OSBPL1A: variants seen among roughly 807,000 people sequenced by gnomAD.
OSBPL1A encodes oxysterol-binding protein-related protein 1.
OSBPL1A carries 80 observed loss-of-function variants against 137.1 expected under a neutral mutation model. The observed-to-expected ratio is 0.58, with a 90% confidence interval of 0.49 to 0.70. OSBPL1A has a LOEUF of 0.70. Ranked by LOEUF, OSBPL1A falls within the 30% of genes least tolerant of loss-of-function variation. The pLI is 0.00. For missense variants in OSBPL1A, 970 were observed against 1,129.4 expected (o/e 0.86, Z 2.02); for synonymous variants, 365 against 389.7 (o/e 0.94, Z 0.75).
At chr18:24,239,932 T>TTC (rs1236356936) in intron 15 of OSBPL1A, among the ~76,000 whole-genome samples, 5 of 148,410 alleles carry the variant, frequency 3.4e-5, no homozygotes, top group Non-Finnish European at 7.5e-5. Context: ...TCTCTTTTTT[T>TTC]TTTTTTTTTT....
chr18:24,352,759 C>A (rs562294722), intron 4 of OSBPL1A, among the ~76,000 whole-genome samples: 1 of 152,168 alleles, frequency 6.6e-6, no homozygotes, highest in African/African-American at 2.4e-5. Flanking sequence ...AGAAATAATG[C>A]TGCATATCTA....
chr18:24,319,803 A>G (rs531979321), intron 7 of OSBPL1A, among the ~76,000 whole-genome samples: 1 of 152,106 alleles, frequency 6.6e-6, no homozygotes, highest in Non-Finnish European at 1.5e-5. Flanking sequence ...ACAACATATC[A>G]ATGAGAACTC....
At chr18:24,358,433 C>G in intron 4 of OSBPL1A, 2 of 701,894 alleles carry the variant, frequency 2.8e-6, no homozygotes, top group Middle Eastern at 2.3e-4. Context: ...TCCCCACCCT[C>G]GTGCACAGGT....
chr18:24,341,829 C>T (rs2091278984), intron 4 of OSBPL1A, among the ~76,000 whole-genome samples, 171 bp from the exon 5 acceptor site: 1 of 152,174 alleles, frequency 6.6e-6, no homozygotes. Context: ...TGTGATAATA[C>T]TTGACAACTG....
chr18:24,209,429 G>A (rs73967698), intron 17 of OSBPL1A, among the ~76,000 whole-genome samples: 3,910 of 152,220 alleles, frequency 0.026, 61 homozygotes, highest in African/African-American at 0.05. Context: ...AAATTCTTAC[G>A]TATTTCAGAC....
At chr18:24,163,774 C>G (rs1204657043) in intron 27 of OSBPL1A, among the ~76,000 whole-genome samples, 4 of 151,858 alleles carry the variant, frequency 2.6e-5, no homozygotes, top group African/African-American at 9.7e-5. Context: ...CTCTTGTTGC[C>G]CAGGCTGGAG....
At chr18:24,280,816 TA>T (rs749964994) in intron 15 of OSBPL1A, 25 bp downstream of exon 15, 4 of 1,476,024 alleles carry the variant, frequency 2.7e-6, no homozygotes, top group Non-Finnish European at 3.6e-6. Context: ...ACAATTATTT[TA>T]CAAATTCAAT....
At chr18:24,181,684 G>A (rs1221290179) in intron 18 of OSBPL1A, among the ~76,000 whole-genome samples, 2 of 152,198 alleles carry the variant, frequency 1.3e-5, no homozygotes, top group African/African-American at 2.4e-5. Context: ...GATGGCTCCA[G>A]TGCCTTGAGT....
intron 13 of OSBPL1A, among the ~76,000 whole-genome samples, chr18:24,310,730 GAT>G (rs141634616): frequency 0.29 from 44,077 of 151,720 alleles, 6,998 homozygotes; most frequent in Middle Eastern, 0.35. Context: ...TCCTAGGAAA[GAT>G]ATTAGTATGC....
At position 24,230,237 on chromosome 18, in the gene OSBPL1A, A is replaced by T. The variant is rs1042382713; in HGVS notation, c.1445-5039T>A. The stretch of plus-strand genomic sequence containing the variant: ...GCCACGACACTCAGGCTTTCAGGAC[A>T]AACAAGGAGAGGGAGGAGGGAGGAA... On this transcript the variant is annotated intron_variant, in intron 16 of 27. Coordinates refer to ENST00000319481, the MANE Select transcript of OSBPL1A (RefSeq NM_080597.4). Among the ~76,000 whole-genome samples the T allele has an allele frequency of 2.6e-5, 4 of 152,164 alleles. No homozygotes were observed. In the East Asian group the frequency reaches 5.8e-4, roughly 22 times the overall value.
chr18:24,195,429 A>G (rs1237212778), intron 18 of OSBPL1A, among the ~76,000 whole-genome samples: 1 of 152,248 alleles, frequency 6.6e-6, no homozygotes, highest in Non-Finnish European at 1.5e-5. Context: ...TTCCCAGCAC[A>G]GGGAAAGTTC....
chr18:24,176,663 A>G (rs1264908206), intron 21 of OSBPL1A, among the ~76,000 whole-genome samples: 1 of 152,220 alleles, frequency 6.6e-6, no homozygotes, highest in East Asian at 1.9e-4. Context: ...GTTTCAGGCC[A>G]GAAGTCCTGA....
chr18:24,180,461 T>G (rs1340013499), intron 19 of OSBPL1A, among the ~76,000 whole-genome samples: 1 of 150,140 alleles, frequency 6.7e-6, no homozygotes. Context: ...TTTTTCTATT[T>G]TGTGTGTGTG....
At position 24,280,973 on chromosome 18, in the gene OSBPL1A, T is replaced by C. The variant is rs199549918; in HGVS notation, c.1175-25A>G. On this transcript the variant is annotated intron_variant, in intron 14 of 27. Coordinates refer to ENST00000319481, the MANE Select transcript of OSBPL1A (RefSeq NM_080597.4). ...TCTATAAAGAAAAAAATAAATACAG[T>C]GAGTCGGATTTTAAGGAATCTTAAG... 141 of 1,489,114 alleles carry C rather than the reference T, an allele frequency of 9.5e-5. 1 individual carries two copies. The East Asian group carries it at 2.3e-3, about 24-fold the overall frequency. 92.2% of individuals were successfully genotyped at this position (1,489,114 alleles called of 1,614,324 possible). A position where few individuals can be genotyped will look rare whatever the true frequency, so the allele number is the denominator to read the frequency against.
chr18:24,170,560 T>C, intron 23 of OSBPL1A, 107 bp from the exon 24 acceptor site: 1 of 1,252,092 alleles, frequency 8.0e-7, no homozygotes, highest in Non-Finnish European at 1.1e-6. Flanking sequence ...TAACCAGGCC[T>C]GACCCTGCTT....
intron 15 of OSBPL1A, among the ~76,000 whole-genome samples, chr18:24,246,205 C>T (rs898717892): frequency 2.0e-5 from 3 of 151,814 alleles, no homozygotes; most frequent in Non-Finnish European, 2.9e-5. Context: ...AGAGCGAAAC[C>T]CCGTCTTGAA....
chr18:24,361,004 G>A (rs947999050), intron 4 of OSBPL1A, among the ~76,000 whole-genome samples: 1 of 152,150 alleles, frequency 6.6e-6, no homozygotes, highest in African/African-American at 2.4e-5. Context: ...TATCAGAAGT[G>A]TTTGCTCTTC....
intron 14 of OSBPL1A, among the ~76,000 whole-genome samples, chr18:24,293,584 G>A (rs763618692): frequency 6.6e-6 from 1 of 152,176 alleles, no homozygotes; most frequent in Non-Finnish European, 1.5e-5. Context: ...TTTGAAGAAA[G>A]ACCTAGGGAA....
intron 7 of OSBPL1A, among the ~76,000 whole-genome samples, chr18:24,328,190 G>A (rs1014520362): frequency 7.1e-6 from 1 of 141,700 alleles, no homozygotes; most frequent in African/African-American, 2.7e-5. Flanking sequence ...TACCAGGTAC[G>A]TGCCACCACG....
Sources: allele counts gnomAD v4.1 joint callset (sites outside exome capture counted in the v4.1 genomes callset), GRCh38; gene constraint gnomAD v4.1.1; transcripts MANE v1.5; gene names NCBI Gene and HGNC (gene_info 2026-07-23, HGNC 2026-07-21).